The following ELMO1 variants were observed in gnomAD, a reference collection of about 807,000 sequenced individuals.
The protein encoded by ELMO1 is engulfment and cell motility 1.
ELMO1 carries 26 observed loss-of-function variants against 98.9 expected under a neutral mutation model. The ratio of observed to expected loss-of-function variants is 0.26; its 90% CI spans 0.19 to 0.36. The LOEUF is 0.36. Ranked by LOEUF, ELMO1 falls within the 10% of genes least tolerant of loss-of-function variation. ELMO1 has a pLI of 1.00. For synonymous variants in ELMO1, 346 were observed against 346.0 expected (o/e 1.00, Z 0.00); for missense variants, 627 against 935.2 (o/e 0.67, Z 4.30).
chr7:37,064,439 G>C (rs1160756751), intron 15 of ELMO1, among the ~76,000 whole-genome samples: 1 of 152,106 alleles, frequency 6.6e-6, no homozygotes, highest in Non-Finnish European at 1.5e-5. Flanking sequence ...TTCCAATCCT[G>C]GGTCCAAGGT....
At chr7:36,877,306 A>G (rs1032151006) in intron 19 of ELMO1, among the ~76,000 whole-genome samples, 1 of 152,050 alleles carries the variant, frequency 6.6e-6, no homozygotes, top group Non-Finnish European at 1.5e-5. Context: ...TTCTCCTCCA[A>G]ATTAATTTAT....
chr7:37,131,906 G>T (rs1043970333), intron 14 of ELMO1, among the ~76,000 whole-genome samples: 1 of 152,158 alleles, frequency 6.6e-6, no homozygotes, highest in Non-Finnish European at 1.5e-5. Flanking sequence ...AGAGAACTCA[G>T]TGATCTGGCA....
intron 14 of ELMO1, among the ~76,000 whole-genome samples, chr7:37,106,693 G>C (rs1784963616): frequency 6.6e-6 from 1 of 152,040 alleles, no homozygotes; most frequent in Non-Finnish European, 1.5e-5. Context: ...TCATACAGAG[G>C]GGAACAAAGT....
chr7:37,328,138 T>C (rs1799914000), intron 2 of ELMO1, among the ~76,000 whole-genome samples: 1 of 152,040 alleles, frequency 6.6e-6, no homozygotes, highest in Non-Finnish European at 1.5e-5. Flanking sequence ...ATCCCAACAC[T>C]TTGGGAGGCC....
In ELMO1 at chr7:37,267,029, A is replaced by ATG. The variant is rs1297850535; in HGVS notation, c.243+4801_243+4802dup. ...CTCCATCTAAAAAAAAAAAAAAAAT[A>ATG]TGTATATATACACACACACACACAC... On this transcript the variant is annotated intron_variant, in intron 5 of 21. Coordinates refer to ENST00000310758, the MANE Select transcript of ELMO1 (RefSeq NM_014800.11). Among the ~76,000 whole-genome samples, 4 of 96,606 alleles carry ATG rather than the reference A, an allele frequency of 4.1e-5. No homozygotes were observed. In the East Asian group the frequency reaches 1.3e-3, roughly 32 times the overall value. 63.4% of individuals were successfully genotyped at this position (96,606 alleles called of 152,430 possible).
intron 15 of ELMO1, among the ~76,000 whole-genome samples, chr7:37,014,451 T>G (rs980174309): frequency 1.3e-5 from 2 of 152,140 alleles, no homozygotes; most frequent in African/African-American, 4.8e-5. Context: ...CACTTTAATT[T>G]CTGGGATACA....
At chr7:37,055,609 C>G (rs1009645575) in intron 15 of ELMO1, among the ~76,000 whole-genome samples, 6 of 152,182 alleles carry the variant, frequency 3.9e-5, no homozygotes, top group African/African-American at 1.4e-4. Context: ...GATGTTAGCT[C>G]CAGCCCTCCT....
chr7:37,035,383 T>C (rs1403171702), intron 15 of ELMO1, among the ~76,000 whole-genome samples: 1 of 152,220 alleles, frequency 6.6e-6, no homozygotes. Context: ...TTCAAGTCTA[T>C]AGCTATGCTT....
At chr7:37,184,888 A>AC (rs1408155886) in intron 13 of ELMO1, among the ~76,000 whole-genome samples, 3 of 151,010 alleles carry the variant, frequency 2.0e-5, no homozygotes, top group African/African-American at 4.9e-5. Flanking sequence ...AAAAAGTGAG[A>AC]CCCCGTCTCA....
chr7:36,912,682 G>C (rs1784420438), intron 16 of ELMO1, among the ~76,000 whole-genome samples: 1 of 152,096 alleles, frequency 6.6e-6, no homozygotes, highest in Admixed American at 6.6e-5. Flanking sequence ...GATATCTTTT[G>C]TAAGGCATTT....
At chr7:37,002,360 G>A (rs1413209909) in intron 16 of ELMO1, among the ~76,000 whole-genome samples, 1 of 152,226 alleles carries the variant, frequency 6.6e-6, no homozygotes, top group Non-Finnish European at 1.5e-5. Context: ...TGAGGTCATG[G>A]CAAGGATTTG....
At chr7:37,200,898 G>A (rs1465242550) in intron 13 of ELMO1, among the ~76,000 whole-genome samples, 2 of 150,858 alleles carry the variant, frequency 1.3e-5, no homozygotes, top group East Asian at 2.0e-4. Context: ...AGCCGAGATC[G>A]CACCACTGCA....
chr7:37,032,559 G>T (rs905786753), intron 15 of ELMO1, among the ~76,000 whole-genome samples: 9 of 152,178 alleles, frequency 5.9e-5, no homozygotes, highest in Non-Finnish European at 1.2e-4. Flanking sequence ...AAAATGGCTG[G>T]TTAGATCATC....
At chr7:36,881,673 G>A (rs920955087) in intron 18 of ELMO1, among the ~76,000 whole-genome samples, 1 of 152,166 alleles carries the variant, frequency 6.6e-6, no homozygotes, top group African/African-American at 2.4e-5. Flanking sequence ...GTGTGCGTGT[G>A]TGAAGGATAA....
At chr7:36,889,033 C>T (rs1000768445) in intron 17 of ELMO1, among the ~76,000 whole-genome samples, 5 of 152,098 alleles carry the variant, frequency 3.3e-5, no homozygotes, top group Admixed American at 6.6e-5. Context: ...GTGGAGGTTA[C>T]GTGTGGAATA....
intron 7 of ELMO1, 81 bp from the exon 8 acceptor site, chr7:37,233,275 GAAT>G: frequency 2.5e-6 from 3 of 1,181,676 alleles, no homozygotes; most frequent in Non-Finnish European, 3.6e-6. Flanking sequence ...CTGGGAAAGT[GAAT>G]ACAAGCAGAA....
intron 16 of ELMO1, among the ~76,000 whole-genome samples, chr7:36,950,565 C>T (rs1010995715): frequency 2.0e-5 from 3 of 152,184 alleles, no homozygotes; most frequent in Non-Finnish European, 4.4e-5. Context: ...CTCTTTTGTC[C>T]TTCCTAAGGT....
chr7:37,387,404 A>G (rs1342648337), intron 1 of ELMO1, among the ~76,000 whole-genome samples: 1 of 152,158 alleles, frequency 6.6e-6, no homozygotes, highest in Non-Finnish European at 1.5e-5. Context: ...CAACACTCCA[A>G]TCTTCATGCT....
intron 5 of ELMO1, among the ~76,000 whole-genome samples, chr7:37,268,240 C>T (rs1217388906): frequency 2.6e-5 from 4 of 152,190 alleles, no homozygotes; most frequent in Non-Finnish European, 5.9e-5. Flanking sequence ...CATATAGAAG[C>T]TCCCCAAATC....
Sources: gnomAD v4.1 joint callset for allele counts (sites outside exome capture counted in the v4.1 genomes callset) on GRCh38, gnomAD v4.1.1 for gene constraint, MANE v1.5 for transcripts, NCBI Gene and HGNC (gene_info 2026-07-23, HGNC 2026-07-21) for gene names.